The following SLIT1 variants were observed in gnomAD, a reference collection of about 807,000 sequenced individuals.
The protein encoded by SLIT1 is slit homolog 1 protein.
SLIT1 carries 66 observed loss-of-function variants against 186.1 expected under a neutral mutation model. The observed-to-expected ratio is 0.35, with a 90% CI of 0.29 to 0.44. The LOEUF is 0.44. Ranked by LOEUF, SLIT1 falls within the 20% of genes least tolerant of loss-of-function variation. The pLI is 1.00. For missense variants in SLIT1, 1,638 were observed against 2,037.4 expected (o/e 0.80, Z 3.77); for synonymous variants, 761 against 833.8 (o/e 0.91, Z 1.50).
At chr10:97,133,511 G>A (rs892223374) in intron 4 of SLIT1, among the ~76,000 whole-genome samples, 12 of 152,304 alleles carry the variant, frequency 7.9e-5, no homozygotes, top group Admixed American at 2.0e-4. Context: ...CTGGCAGGTG[G>A]GGCAATGGGA....
intron 4 of SLIT1, among the ~76,000 whole-genome samples, chr10:97,131,587 C>CT (rs1169922914): frequency 1.3e-5 from 2 of 152,238 alleles, no homozygotes; most frequent in African/African-American, 4.8e-5. Context: ...GTTCCACCCT[C>CT]TGGAGGCTGT....
At chr10:97,016,478 C>T (rs980848041) in intron 28 of SLIT1, among the ~76,000 whole-genome samples, 2 of 152,136 alleles carry the variant, frequency 1.3e-5, no homozygotes, top group African/African-American at 4.8e-5. Context: ...TTACTGCAGC[C>T]TCAACTTCCT....
chr10:97,111,168 T>G (rs1849460801), intron 4 of SLIT1, among the ~76,000 whole-genome samples: 1 of 150,898 alleles, frequency 6.6e-6, no homozygotes, highest in African/African-American at 2.4e-5. Context: ...CCAGCCTGGG[T>G]GTCAGAGCAA....
intron 36 of SLIT1, among the ~76,000 whole-genome samples, chr10:97,001,725 C>T (rs1462886504): frequency 6.6e-6 from 1 of 152,108 alleles, no homozygotes; most frequent in Non-Finnish European, 1.5e-5. Context: ...TTCTGGGTTT[C>T]TCCAGCTTCT....
chr10:97,147,933 C>T (rs372269489), intron 4 of SLIT1, among the ~76,000 whole-genome samples: 7 of 152,156 alleles, frequency 4.6e-5, no homozygotes, highest in South Asian at 2.1e-4. Flanking sequence ...CCATACCCTT[C>T]GATACCTTGA....
chr10:97,138,250 C>A (rs916172180), intron 4 of SLIT1, among the ~76,000 whole-genome samples: 2 of 152,208 alleles, frequency 1.3e-5, no homozygotes, highest in African/African-American at 2.4e-5. Context: ...TGGGTAGCAC[C>A]AGAGAATATT....
At chr10:97,149,196 G>C (rs1371709708) in intron 4 of SLIT1, among the ~76,000 whole-genome samples, 2 of 152,228 alleles carry the variant, frequency 1.3e-5, no homozygotes, top group African/African-American at 4.8e-5. Context: ...CATGCTGGGC[G>C]CATCAGCCCG....
chr10:97,060,039 T>TC (rs768539942), intron 10 of SLIT1, 48 bp downstream of exon 10: 81 of 1,504,154 alleles, frequency 5.4e-5, no homozygotes, highest in Non-Finnish European at 5.6e-5. Flanking sequence ...ACCCAGGATC[T>TC]CCGTCAGCCC....
chr10:97,174,413 C>T (rs529878564), intron 1 of SLIT1, among the ~76,000 whole-genome samples: 4 of 152,362 alleles, frequency 2.6e-5, no homozygotes, highest in African/African-American at 7.2e-5. Flanking sequence ...TCCCCACATC[C>T]TCAGGCCTTA....
intron 4 of SLIT1, among the ~76,000 whole-genome samples, chr10:97,076,774 C>G (rs971562070): frequency 1.3e-5 from 2 of 152,216 alleles, no homozygotes; most frequent in Admixed American, 6.5e-5. Context: ...GCTTATCAGT[C>G]AGCTAATTCT....
At chr10:97,052,863 T>G (rs1439729004) in intron 13 of SLIT1, among the ~76,000 whole-genome samples, 1 of 152,240 alleles carries the variant, frequency 6.6e-6, no homozygotes, top group Non-Finnish European at 1.5e-5. Flanking sequence ...GATTTCTATT[T>G]CTTTTATTCT....
In SLIT1 at chr10:97,046,780, T is replaced by C. The variant is rs1296434286; in HGVS notation, c.1727A>G (p.Lys576Arg). 8.1e-6 allele frequency: 13 copies of C among 1,612,374 alleles called. No individual in the cohort carries two copies. The highest frequency in any genetic ancestry group is 1.1e-5 in the Non-Finnish European group (13 of 1,180,014). Residue 576 changes from lysine (K) to arginine (R), a missense_variant, in exon 18 of 37, where the codon AAG becomes AGG. By Grantham distance (26) the Lys-to-Arg change is conservative (BLOSUM62 2). Around this residue, in one of 3 missense-constraint regions of SLIT1, gnomAD observed 1,245 missense variants for 1,535.3 expected, o/e 0.81. Coordinates refer to ENST00000266058, the MANE Select transcript of SLIT1 (RefSeq NM_003061.3). Reference sequence around the variant, plus strand: ...GGCCCCATCTTCAATTTCTGACACCTTGTTGTTGCTCAGATTGCTGGGAGA... The same window carrying C: ...GGCCCCATCTTCAATTTCTGACACCCTGTTGTTGCTCAGATTGCTGGGAGA... ...HLKKINLSNN[K>R]VSEIEDGAFE...
intron 1 of SLIT1, among the ~76,000 whole-genome samples, chr10:97,168,424 T>A (rs929249328): frequency 6.6e-6 from 1 of 152,252 alleles, no homozygotes; most frequent in African/African-American, 2.4e-5. Flanking sequence ...GATTTTTATA[T>A]AGTTAATTCA....
intron 4 of SLIT1, among the ~76,000 whole-genome samples, chr10:97,129,819 C>T (rs10882866): frequency 0.11 from 16,159 of 152,094 alleles, 1,285 homozygotes; most frequent in African/African-American, 0.23. Flanking sequence ...CAGCCCTGTT[C>T]CCCCAACCCC....
intron 4 of SLIT1, among the ~76,000 whole-genome samples, chr10:97,109,113 C>A (rs527793474): frequency 6.6e-6 from 1 of 151,674 alleles, no homozygotes; most frequent in Admixed American, 6.6e-5. Flanking sequence ...CTTTGGGAAG[C>A]CAAGGTGGGA....
intron 1 of SLIT1, among the ~76,000 whole-genome samples, chr10:97,170,241 T>C (rs1464117717): frequency 6.6e-6 from 1 of 152,232 alleles, no homozygotes; most frequent in Non-Finnish European, 1.5e-5. Flanking sequence ...CTTGGGCATG[T>C]AAGTTAGCTT....
At chr10:97,015,186 G>A (rs1477506828) in intron 28 of SLIT1, among the ~76,000 whole-genome samples, 1 of 152,212 alleles carries the variant, frequency 6.6e-6, no homozygotes, top group Non-Finnish European at 1.5e-5. Context: ...ATCTGTCCCA[G>A]CCCCAGCCCT....
intron 28 of SLIT1, 26 bp downstream of exon 28, chr10:97,018,560 G>A (rs1325277641): frequency 6.9e-7 from 1 of 1,459,550 alleles, no homozygotes; most frequent in Non-Finnish European, 9.4e-7. Flanking sequence ...GCACTCACCA[G>A]GCTCCTGCCC....
intron 4 of SLIT1, among the ~76,000 whole-genome samples, chr10:97,125,663 AC>A (rs1286219974): frequency 2.6e-5 from 4 of 151,736 alleles, no homozygotes; most frequent in Admixed American, 6.6e-5. Context: ...ACATAGCGAA[AC>A]CCTGTCTCTA....
Sources: gnomAD v4.1 joint callset for allele counts (sites outside exome capture counted in the v4.1 genomes callset) on GRCh38, gnomAD v4.1.1 for gene constraint, gnomAD v4.1.1 regional missense constraint, MANE v1.5 for transcripts, NCBI Gene and HGNC (gene_info 2026-07-23, HGNC 2026-07-21) for gene names.